The following PRKCI variants were observed in gnomAD, a reference collection of about 807,000 sequenced individuals.
PRKCI encodes protein kinase C iota.
PRKCI carries 43 observed loss-of-function variants against 84.0 expected under a neutral mutation model. The ratio of observed to expected loss-of-function variants is 0.51; its 90% CI spans 0.40 to 0.66. The LOEUF (loss-of-function observed/expected upper bound fraction) is 0.66, where lower values mean the gene tolerates loss of function less well. Among genes scored for constraint, PRKCI ranks in the 30% least tolerant of loss-of-function variants. PRKCI has a pLI of 0.00. For missense variants in PRKCI, 459 were observed against 745.6 expected (o/e 0.62, Z 4.48); for synonymous variants, 216 against 234.4 (o/e 0.92, Z 0.72).
At chr3:170,227,736 T>C (rs992503110) in intron 1 of PRKCI, among the ~76,000 whole-genome samples, 1 of 152,230 alleles carries the variant, frequency 6.6e-6, no homozygotes, top group Non-Finnish European at 1.5e-5. Context: ...TTGAATGTCA[T>C]ACTGCAGAGT....
chr3:170,245,949 G>GTTTTTTTTTTTTTGTTTGTTTGTTT (rs1733266664), intron 2 of PRKCI, among the ~76,000 whole-genome samples: 1 of 82,454 alleles, frequency 1.2e-5, no homozygotes, highest in African/African-American at 4.9e-5. Flanking sequence ...TTATGTCTTT[G>GTTTTTTTTTTTTTGTTTGTTTGTTT]TTTTTTTTTT....
intron 1 of PRKCI, among the ~76,000 whole-genome samples, chr3:170,227,251 A>G (rs1009506746): frequency 6.6e-6 from 1 of 152,318 alleles, no homozygotes; most frequent in South Asian, 2.1e-4. Context: ...TAAGATTTCA[A>G]ATATAACCAG....
intron 2 of PRKCI, among the ~76,000 whole-genome samples, chr3:170,248,359 C>T (rs1733344228): frequency 8.8e-6 from 1 of 113,578 alleles, no homozygotes; most frequent in Admixed American, 9.6e-5. Context: ...AAAACAAAAA[C>T]AGTAGATATA....
At chr3:170,231,108 G>A (rs1486561057) in intron 1 of PRKCI, among the ~76,000 whole-genome samples, 2 of 151,468 alleles carry the variant, frequency 1.3e-5, no homozygotes, top group African/African-American at 4.9e-5. Flanking sequence ...TACAGGCAAG[G>A]CGCTACCATG....
At chr3:170,261,473 A>T (rs1402494989) in intron 3 of PRKCI, among the ~76,000 whole-genome samples, 1 of 150,700 alleles carries the variant, frequency 6.6e-6, no homozygotes, top group Admixed American at 6.6e-5. Flanking sequence ...AAAAAAAAAA[A>T]AACAGTGGTT....
At chr3:170,238,349 C>T (rs1487087879) in intron 2 of PRKCI, among the ~76,000 whole-genome samples, 2 of 150,302 alleles carry the variant, frequency 1.3e-5, no homozygotes, top group African/African-American at 4.9e-5. Flanking sequence ...GGCAACAGAG[C>T]GAGACTCCAT....
At chr3:170,257,501 A>G (rs199955438) in intron 2 of PRKCI, among the ~76,000 whole-genome samples, 3 of 152,268 alleles carry the variant, frequency 2.0e-5, no homozygotes, top group East Asian at 1.9e-4. Flanking sequence ...TTACAAACTT[A>G]TGATTTTTAA....
intron 13 of PRKCI, among the ~76,000 whole-genome samples, chr3:170,292,152 A>G (rs1046924138): frequency 2.0e-5 from 3 of 152,182 alleles, no homozygotes; most frequent in Non-Finnish European, 4.4e-5. Context: ...GCTGAATAAT[A>G]TTTTATTAGT....
intron 10 of PRKCI, chr3:170,281,483 A>C: frequency 2.3e-6 from 1 of 444,428 alleles, no homozygotes; most frequent in East Asian, 3.5e-5. Context: ...GGAAATAGCC[A>C]TGTCGTAATT....
At chr3:170,271,731 T>C (rs916238067) in intron 6 of PRKCI, among the ~76,000 whole-genome samples, 2 of 152,216 alleles carry the variant, frequency 1.3e-5, no homozygotes, top group African/African-American at 4.8e-5. Context: ...TGTCGAGGTT[T>C]GATTAGATTC....
At chr3:170,302,544 A>G (rs1444292443) in intron 17 of PRKCI, among the ~76,000 whole-genome samples, 2 of 151,794 alleles carry the variant, frequency 1.3e-5, no homozygotes, top group African/African-American at 2.4e-5. Flanking sequence ...CAAAATGCCA[A>G]CCTCTCCCCT....
At chr3:170,273,646 C>T (rs1181749153) in intron 7 of PRKCI, among the ~76,000 whole-genome samples, 1 of 151,640 alleles carries the variant, frequency 6.6e-6, no homozygotes, top group Admixed American at 6.6e-5. Context: ...AAAACCCCGT[C>T]TCTACTAAAA....
rs1172744102 is a variant in PRKCI, at chr3:170,281,262, A to G, written c.979A>G (p.Arg327Gly). Residue 327 changes from arginine (R) to glycine (G), a missense_variant and splice_region_variant, in exon 10 of 18, where the codon AGA becomes GGA. Around this residue, in one of 2 missense-constraint regions of PRKCI, gnomAD observed 209 missense variants for 425.9 expected, o/e 0.49. Transcript: ENST00000295797. The part of the protein sequence containing the change: ...GLHSCFQTES[R>G]LFFVIEYVNG... ...GCATTCTTGCTTTCAGACAGAAAGC[A>G]GGTAAGATTGAAAGATAGTAGAATG... is the stretch of plus-strand genomic sequence containing the variant. 3.7e-6 allele frequency: 6 copies of G among 1,613,130 alleles called. No homozygotes were observed. The highest frequency in any genetic ancestry group is 5.1e-6 in the Non-Finnish European group (6 of 1,179,272).
rs148596131 is a variant in PRKCI, at chr3:170,278,144, C to T, written c.706-2083C>T. Among the ~76,000 whole-genome samples the T allele has an allele frequency of 3.9e-5, 6 of 152,272 alleles. No individual in the cohort carries two copies. In the East Asian group the frequency reaches 9.6e-4, roughly 24 times the overall value. ...AAGATGACATTTCACTGTTAAGTGG[C>T]GTCTATCATTTCATTCAGCCTTATT... On this transcript the variant is annotated intron_variant, in intron 8 of 17. Transcript: ENST00000295797.
chr3:170,297,473 TA>T, intron 16 of PRKCI, 80 bp downstream of exon 16: 2 of 1,170,840 alleles, frequency 1.7e-6, no homozygotes, highest in Non-Finnish European at 2.5e-6. Context: ...TGTTTGTTTT[TA>T]GACAGAGTCT....
At chr3:170,233,023 A>AT (rs1023883198) in intron 1 of PRKCI, among the ~76,000 whole-genome samples, 34 of 151,766 alleles carry the variant, frequency 2.2e-4, no homozygotes, top group African/African-American at 8.2e-4. Flanking sequence ...ATAATTAATA[A>AT]TTTGGGGGGT....
chr3:170,255,687 A>G (rs1560173359), intron 2 of PRKCI, among the ~76,000 whole-genome samples: 1 of 152,036 alleles, frequency 6.6e-6, no homozygotes, highest in Non-Finnish European at 1.5e-5. Flanking sequence ...GACTTCCATT[A>G]CTATGTTGAA....
chr3:170,295,027 TG>T (rs1348910983), intron 14 of PRKCI, among the ~76,000 whole-genome samples: 2 of 151,176 alleles, frequency 1.3e-5, no homozygotes, highest in Non-Finnish European at 2.9e-5. Flanking sequence ...CTGGCCAACA[TG>T]GCAAAACCCC....
rs769677555 is a variant in PRKCI at position 170,275,305 on chromosome 3, A to G, written c.705+18A>G. On this transcript the variant is annotated intron_variant, in intron 8 of 17. Transcript: ENST00000295797. ...AAAAAGAGGTAAGATAATTTGTCTT[A>G]TTGTACATTATATCATTAGCTTTTT... 16 of 1,587,692 alleles carry G rather than the reference A, an allele frequency of 1.0e-5. No individual in the cohort carries two copies. The highest frequency in any genetic ancestry group is 5.5e-5 in the African/African-American group (4 of 73,292).
Sources: allele counts gnomAD v4.1 joint callset (sites outside exome capture counted in the v4.1 genomes callset), GRCh38; gene constraint gnomAD v4.1.1; regional missense constraint gnomAD v4.1.1; transcripts MANE v1.5; gene names NCBI Gene and HGNC (gene_info 2026-07-23, HGNC 2026-07-21).